DCC: variants seen among roughly 807,000 people sequenced by gnomAD.
DCC encodes the protein DCC netrin 1 receptor, also known as netrin receptor DCC.
In DCC, 58 loss-of-function variants were observed where a neutral mutation model predicts 172.5. That is an observed-to-expected ratio of 0.34 (90% CI 0.27 to 0.42). The LOEUF (loss-of-function observed/expected upper bound fraction) is 0.42, where lower values mean the gene tolerates loss of function less well. DCC is among the 10% of genes least tolerant of loss of function. DCC has a pLI of 1.00. For synonymous variants in DCC, 709 were observed against 644.5 expected, an observed-to-expected ratio of 1.10 and a Z score of -1.52; for missense variants, 1,740 against 1,791.0, an observed-to-expected ratio of 0.97 and a Z score of 0.51.
At position 52,693,005 on chromosome 18, in the gene DCC, C is replaced by A. The variant is rs537655232; in HGVS notation, c.92-59049C>A. ...GTTTGCCACTCCTATAGGCTGTGAC[C>A]TTGTTCACGTGACTTTCCCTCTCTC... On this transcript the variant is annotated intron_variant, in intron 1 of 28. Coordinates refer to ENST00000442544, the MANE Select transcript of DCC (RefSeq NM_005215.4). Among the ~76,000 whole-genome samples, 95 of 152,220 alleles carry A rather than the reference C, an allele frequency of 6.2e-4. 1 individual carries two copies. Among genetic ancestry groups the A allele is most frequent in the African/African-American group, 2.1e-3 (88 of 41,546 alleles).
intron 5 of DCC, among the ~76,000 whole-genome samples, chr18:53,024,469 A>C (rs1398902442): frequency 2.0e-5 from 3 of 152,150 alleles, no homozygotes; most frequent in African/African-American, 7.2e-5. Flanking sequence ...CAGTATTCAA[A>C]TGCTTTTTAC....
At chr18:53,330,451 T>C (rs2057518331) in intron 14 of DCC, among the ~76,000 whole-genome samples, 1 of 152,194 alleles carries the variant, frequency 6.6e-6, no homozygotes, top group African/African-American at 2.4e-5. Context: ...CACCACACTT[T>C]ATGTCAGGCT....
rs1042080988 is a variant in DCC at position 53,402,776 on chromosome 18, C to G, written c.2828-10C>G. ...CAATGACAAGGCCTTATCTCTGTCT[C>G]ACCTCACAGCCCCCACCTCTGCTCC... On this transcript the variant is annotated splice_polypyrimidine_tract_variant and intron_variant, in intron 18 of 28. Transcript: ENST00000442544. 1.9e-6 allele frequency: 3 copies of G among 1,596,110 alleles called. No individual in the cohort carries two copies. The highest frequency in any genetic ancestry group is 8.6e-7 in the Non-Finnish European group (1 of 1,163,704).
At chr18:52,622,292 G>A (rs1426717150) in intron 1 of DCC, among the ~76,000 whole-genome samples, 1 of 152,150 alleles carries the variant, frequency 6.6e-6, no homozygotes, top group Admixed American at 6.5e-5. Flanking sequence ...CAGCTAAGAG[G>A]CATAGAAGTT....
At chr18:52,874,936 G>A (rs2145391590) in intron 2 of DCC, among the ~76,000 whole-genome samples, 1 of 152,134 alleles carries the variant, frequency 6.6e-6, no homozygotes, top group South Asian at 2.1e-4. Context: ...GTGTAGAATT[G>A]GCTAGGTATA....
chr18:53,141,795 C>T (rs1441995191), intron 7 of DCC, among the ~76,000 whole-genome samples: 1 of 152,158 alleles, frequency 6.6e-6, no homozygotes, highest in African/African-American at 2.4e-5. Context: ...AAAAATGAAA[C>T]TTCCCACCCG....
chr18:53,443,753 T>C (rs1198734851), intron 22 of DCC, among the ~76,000 whole-genome samples: 1 of 152,198 alleles, frequency 6.6e-6, no homozygotes. Context: ...AGTCAAAATA[T>C]TAACACTAAC....
chr18:53,486,915 A>G lies in DCC; in HGVS notation c.3855A>G (p.Pro1285=). Residue 1285 remains proline (P), a synonymous_variant, in exon 26 of 29, where the codon CCA becomes CCG. Coordinates refer to ENST00000442544, the MANE Select transcript of DCC (RefSeq NM_005215.4). ...TCACTCTCCGGCCTGTGCCATTCCCAACACTCTCAGTGGACCGAGGTTTCG... is the reference window on the plus strand; with the variant it reads ...TCACTCTCCGGCCTGTGCCATTCCCGACACTCTCAGTGGACCGAGGTTTCG... ...PQFTLRPVPF[P]TLSVDRGFGA... The G allele has an allele frequency of 6.2e-7, 1 of 1,614,138 alleles. No individual in the cohort carries two copies. The highest frequency in any genetic ancestry group is 1.1e-5 in the South Asian group (1 of 91,080).
rs111545684 is a variant in DCC at position 52,521,589 on chromosome 18, G to A, written c.91+180711G>A. 2.7e-4 allele frequency among the ~76,000 whole-genome samples: 41 copies of A among 152,126 alleles called. 1 individual carries two copies. Among genetic ancestry groups the A allele is most frequent in the African/African-American group, 8.9e-4 (37 of 41,500 alleles). On this transcript the variant is annotated intron_variant, in intron 1 of 28. Coordinates refer to ENST00000442544, the MANE Select transcript of DCC (RefSeq NM_005215.4). ...ATATATTCGTGGCAGGGTGGGGCAG[G>A]GGATATCAACATTCAGTCTATAACA...
intron 11 of DCC, among the ~76,000 whole-genome samples, chr18:53,210,261 T>C (rs2055727980): frequency 3.3e-5 from 5 of 152,218 alleles, no homozygotes; most frequent in Admixed American, 3.3e-4. Flanking sequence ...CACATTGAGT[T>C]GTATTTAATC....
chr18:53,406,647 C>T lies in DCC; in HGVS notation c.2935+3754C>T, dbSNP rs556020148. Among the ~76,000 whole-genome samples, 3 of 146,828 alleles carry T rather than the reference C, an allele frequency of 2.0e-5. No homozygotes were observed. The South Asian group carries it at 6.4e-4, about 31-fold the overall frequency. On this transcript the variant is annotated intron_variant, in intron 19 of 28. Coordinates refer to ENST00000442544, the MANE Select transcript of DCC (RefSeq NM_005215.4). ...TGAACCCGGGAGGCGGGTGTTGCAG[C>T]GAGCCGAGATCCAGCTATTGCATTC...
At chr18:53,119,820 CTT>C (rs1324029489) in intron 7 of DCC, among the ~76,000 whole-genome samples, 4 of 151,856 alleles carry the variant, frequency 2.6e-5, no homozygotes, top group Admixed American at 6.6e-5. Flanking sequence ...ATTTTCACCT[CTT>C]TACACATTGT....
intron 1 of DCC, among the ~76,000 whole-genome samples, chr18:52,382,165 A>G (rs1568142631): frequency 1.3e-5 from 2 of 152,180 alleles, no homozygotes; most frequent in Non-Finnish European, 2.9e-5. Context: ...TCAGAGATGT[A>G]AAAATGAATA....
chr18:53,029,872 T>A (rs1157798929), intron 5 of DCC, among the ~76,000 whole-genome samples: 1 of 152,142 alleles, frequency 6.6e-6, no homozygotes, highest in East Asian at 1.9e-4. Flanking sequence ...TTAAAGATAG[T>A]TGACTCGATT....
At chr18:53,525,866 C>T (rs569051725) in intron 27 of DCC, among the ~76,000 whole-genome samples, 89 of 152,128 alleles carry the variant, frequency 5.9e-4, no homozygotes, top group Middle Eastern at 6.8e-3. Context: ...TTCAATAAGC[C>T]TTTATGAAAG....
intron 1 of DCC, among the ~76,000 whole-genome samples, chr18:52,655,878 C>T (rs2035233207): frequency 6.6e-6 from 1 of 151,378 alleles, no homozygotes; most frequent in Non-Finnish European, 1.5e-5. Flanking sequence ...AGACTGTATT[C>T]CTGAGATCCC....
At chr18:52,841,665 G>A (rs1444104518) in intron 2 of DCC, among the ~76,000 whole-genome samples, 3 of 152,122 alleles carry the variant, frequency 2.0e-5, no homozygotes, top group Non-Finnish European at 4.4e-5. Context: ...GGTATAGTGG[G>A]TGCTATTGGT....
At chr18:52,960,481 TTCTACCCA>T (rs373970910) in intron 5 of DCC, among the ~76,000 whole-genome samples, 2 of 152,268 alleles carry the variant, frequency 1.3e-5, no homozygotes, top group African/African-American at 4.8e-5. Context: ...TTTCTTTTTA[TTCTACCCA>T]TTTGGGAAAC....
intron 25 of DCC, among the ~76,000 whole-genome samples, chr18:53,471,965 G>A (rs2145191844): frequency 6.6e-6 from 1 of 152,020 alleles, no homozygotes; most frequent in South Asian, 2.1e-4. Flanking sequence ...GCCTATTTTG[G>A]TCATTTTGAG....
Sources: gnomAD v4.1 joint callset for allele counts (sites outside exome capture counted in the v4.1 genomes callset) on GRCh38, gnomAD v4.1.1 for gene constraint, MANE v1.5 for transcripts, NCBI Gene and HGNC (gene_info 2026-07-23, HGNC 2026-07-21) for gene names.